Variants in SH3BP4 observed in about 807,000 individuals in gnomAD.
SH3BP4 encodes the protein SH3 domain-binding protein 4.
Under a neutral mutation model 65.5 loss-of-function variants are expected in SH3BP4, and 33 were observed. That is an observed-to-expected ratio of 0.50 (90% CI 0.38 to 0.67). The LOEUF is 0.67. Ranked by LOEUF, SH3BP4 falls within the 30% of genes least tolerant of loss-of-function variation. SH3BP4 has a pLI of 0.00. For synonymous variants in SH3BP4, 552 were observed against 545.5 expected (o/e 1.01, Z -0.17); for missense variants, 1,134 against 1,261.4 (o/e 0.90, Z 1.53).
In SH3BP4 at chr2:234,977,800, C is replaced by G. The variant is rs187214881; in HGVS notation, c.-206-17503C>G. Among the ~76,000 whole-genome samples, 18 of 152,258 alleles carry G rather than the reference C, an allele frequency of 1.2e-4. No individual in the cohort carries two copies. The East Asian group carries it at 2.9e-3, about 25-fold the overall frequency. ...AGACACGCACACGCATATGCACACA[C>G]ATGGGCACACACACACATGCGTGCA... On this transcript the variant is annotated intron_variant, in intron 1 of 5. Transcript: ENST00000392011. This position sits in a 1 kb window ranked among gnomAD's most constrained non-coding sequence, Gnocchi z 5.1.
chr2:234,962,706 A>G (rs1692742955), intron 1 of SH3BP4, among the ~76,000 whole-genome samples: 1 of 152,070 alleles, frequency 6.6e-6, no homozygotes, highest in Non-Finnish European at 1.5e-5. Flanking sequence ...TACCTGGCAC[A>G]TAGCAATTTT....
chr2:235,016,906 G>T (rs764063450), intron 2 of SH3BP4, among the ~76,000 whole-genome samples: 18 of 152,144 alleles, frequency 1.2e-4, no homozygotes, highest in Non-Finnish European at 2.4e-4. Flanking sequence ...TGTCTATGGG[G>T]GATGGGGATG....
intron 4 of SH3BP4, among the ~76,000 whole-genome samples, chr2:235,049,665 A>C (rs555799536): frequency 5.6e-4 from 85 of 152,386 alleles, no homozygotes; most frequent in African/African-American, 2.0e-3. Context: ...TTTGTTTTGA[A>C]TATATCCAAA....
rs575991085 is a variant in SH3BP4 at position 235,014,296 on chromosome 2, G to A, written c.-133+18920G>A. ...CACTCAGCGAGCGTGGAGGCTGGCC[G>A]AGTTTTGTGGTGGAGGCCTCGTCCC... On this transcript the variant is annotated intron_variant, in intron 2 of 5. Coordinates refer to ENST00000392011, the MANE Select transcript of SH3BP4 (RefSeq NM_014521.3). Among the ~76,000 whole-genome samples the A allele has an allele frequency of 2.4e-4, 37 of 152,274 alleles. 1 individual carries two copies. The South Asian group carries it at 2.7e-3, about 11-fold the overall frequency.
At position 235,042,487 on chromosome 2, in the gene SH3BP4, T is replaced by C; in HGVS notation, c.1718T>C (p.Ile573Thr). ...QLKLGKVSRL[I>T]FPITSQNPNE... is the part of the protein sequence containing the mutation. ...AAGCTGGGCAAGGTGAGCCGCCTGA[T>C]CTTCCCCATCACCTCCCAGAACCCC... is the stretch of plus-strand genomic sequence containing the variant. Residue 573 changes from isoleucine (I) to threonine (T), a missense_variant, in exon 4 of 6, where the codon ATC (isoleucine) becomes ACC (threonine). Coordinates refer to ENST00000392011, the MANE Select transcript of SH3BP4 (RefSeq NM_014521.3). This position sits in a 1 kb window ranked among gnomAD's most constrained non-coding sequence, Gnocchi z 7.3. 1 of 1,614,134 alleles carries C rather than the reference T, an allele frequency of 6.2e-7. No homozygotes were observed. Among genetic ancestry groups the C allele is most frequent in the Non-Finnish European group, 8.5e-7 (1 of 1,180,016 alleles).
At chr2:234,961,412 C>T (rs937836561) in intron 1 of SH3BP4, among the ~76,000 whole-genome samples, 1 of 152,116 alleles carries the variant, frequency 6.6e-6, no homozygotes, top group African/African-American at 2.4e-5. Flanking sequence ...GCTGGGATTA[C>T]AAGTGTGCGC....
At chr2:235,017,463 AG>A (rs773874918) in intron 2 of SH3BP4, among the ~76,000 whole-genome samples, 121 of 149,748 alleles carry the variant, frequency 8.1e-4, no homozygotes, top group South Asian at 4.0e-3. Flanking sequence ...AAAAAAAAAA[AG>A]AAATCCTTTC....
rs1695671435 is a variant in SH3BP4, at chr2:235,042,068, C to T, written c.1299C>T (p.Ser433=). Residue 433 remains serine (S), a synonymous_variant, in exon 4 of 6, where the codon AGC becomes AGT. Transcript: ENST00000392011. The surrounding 1 kb of genome is among the most constrained non-coding windows in gnomAD (Gnocchi z 7.3). ...GPYVSVPLNC[S]CGDTVQAQLH... ...ATGTCTCCGTCCCGCTCAACTGCAGCTGTGGGGACACGGTCCAGGCACAGC... is the reference window on the plus strand; with the variant it reads ...ATGTCTCCGTCCCGCTCAACTGCAGTTGTGGGGACACGGTCCAGGCACAGC... 2 of 1,614,086 alleles carry T rather than the reference C, an allele frequency of 1.2e-6. No homozygotes were observed. The highest frequency in any genetic ancestry group is 8.5e-7 in the Non-Finnish European group (1 of 1,180,036).
At chr2:235,012,631 C>T (rs953492101) in intron 2 of SH3BP4, among the ~76,000 whole-genome samples, 1 of 152,218 alleles carries the variant, frequency 6.6e-6, no homozygotes, top group African/African-American at 2.4e-5. Context: ...CCTGCCTGGC[C>T]GGCTGGGCTG....
In SH3BP4 at chr2:234,977,445, A is replaced by T. The variant is rs1693201503; in HGVS notation, c.-206-17858A>T. On this transcript the variant is annotated intron_variant, in intron 1 of 5. Transcript: ENST00000392011. The surrounding 1 kb of genome is among the most constrained non-coding windows in gnomAD (Gnocchi z 5.1). The stretch of plus-strand genomic sequence containing the variant: ...GCCAGTGAGGAGCTTCTAAACACGG[A>T]GGCAGATCAGCTTTTTGCCGAGTGA... Among the ~76,000 whole-genome samples, 1 of 152,196 alleles carries T rather than the reference A, an allele frequency of 6.6e-6. No individual in the cohort carries two copies. Among genetic ancestry groups the T allele is most frequent in the Non-Finnish European group, 1.5e-5 (1 of 68,038 alleles).
chr2:234,972,786 G>A (rs998242615), intron 1 of SH3BP4, among the ~76,000 whole-genome samples: 2 of 152,136 alleles, frequency 1.3e-5, no homozygotes, highest in African/African-American at 2.4e-5. Flanking sequence ...TTCATTGCAC[G>A]TTTGCTTGGG....
In SH3BP4 at chr2:234,952,434, C is replaced by T. The variant is rs1203237511; in HGVS notation, c.-207+264C>T. On this transcript the variant is annotated intron_variant, in intron 1 of 5. Coordinates refer to ENST00000392011, the MANE Select transcript of SH3BP4 (RefSeq NM_014521.3). This position sits in a 1 kb window ranked among gnomAD's most constrained non-coding sequence, Gnocchi z 6.5. The stretch of plus-strand genomic sequence containing the variant: ...TGGGCAGGGACCCGGCCCGGGGTTC[C>T]GGGCGCCGAGCCGCAGCCCTCCGCG... Among the ~76,000 whole-genome samples the T allele has an allele frequency of 3.3e-5, 5 of 151,040 alleles. No individual in the cohort carries two copies. The highest frequency in any genetic ancestry group is 1.2e-4 in the African/African-American group (5 of 41,238).
At chr2:234,966,155 G>C (rs1237433685) in intron 1 of SH3BP4, among the ~76,000 whole-genome samples, 1 of 152,196 alleles carries the variant, frequency 6.6e-6, no homozygotes, top group East Asian at 1.9e-4. Context: ...GAGGCAGGTG[G>C]ATCACTTGAG....
chr2:235,049,331 A>C (rs1373937337), intron 4 of SH3BP4, among the ~76,000 whole-genome samples: 1 of 152,230 alleles, frequency 6.6e-6, no homozygotes, highest in Non-Finnish European at 1.5e-5. Context: ...GACTCGAGTC[A>C]GAAGCAGGTG....
chr2:235,028,797 G>A (rs763014937), intron 2 of SH3BP4, among the ~76,000 whole-genome samples: 18 of 152,172 alleles, frequency 1.2e-4, no homozygotes, highest in Non-Finnish European at 2.4e-4. Flanking sequence ...AGAGCATCTC[G>A]TGTCTAGGCT....
intron 1 of SH3BP4, among the ~76,000 whole-genome samples, chr2:234,975,594 G>C (rs1693144480): frequency 1.3e-5 from 2 of 152,206 alleles, no homozygotes. Context: ...AGTTGTTTGA[G>C]GCTGGGCGCC....
intron 2 of SH3BP4, among the ~76,000 whole-genome samples, chr2:235,024,227 G>A (rs1305109618): frequency 6.6e-6 from 1 of 152,226 alleles, no homozygotes; most frequent in Non-Finnish European, 1.5e-5. Flanking sequence ...CTGGCTGAGA[G>A]GCAGAGGCTA....
In SH3BP4 at chr2:235,038,358, AT is replaced by A. The variant is rs1191229148; in HGVS notation, c.119-2529del. 4.2e-4 allele frequency among the ~76,000 whole-genome samples: 6 copies of A among 14,236 alleles called. No individual in the cohort carries two copies. The South Asian group carries it at 0.019, about 45-fold the overall frequency. The allele number at this position is 14,236 out of a possible 152,430, so 9.3% of individuals were successfully genotyped here. A position where few individuals can be genotyped will look rare whatever the true frequency, so the allele number is the denominator to read the frequency against. On this transcript the variant is annotated intron_variant, in intron 3 of 5. Coordinates refer to ENST00000392011, the MANE Select transcript of SH3BP4 (RefSeq NM_014521.3). The stretch of plus-strand genomic sequence containing the variant: ...TATATAGTATATATATTTTATATAT[AT>A]ATATATAATATATATACATATATAT...
rs1043999649 is a variant in SH3BP4, at chr2:235,026,208, G to T, written c.-132-8663G>T. ...TCAGGCCTTGAAGAGGGATTCACAC[G>T]CCCTCCCCTCCTCTTCCTGACCTGT... On this transcript the variant is annotated intron_variant, in intron 2 of 5. Transcript: ENST00000392011. This position sits in a 1 kb window ranked among gnomAD's most constrained non-coding sequence, Gnocchi z 4.6. 7.2e-5 allele frequency among the ~76,000 whole-genome samples: 11 copies of T among 152,066 alleles called. No individual in the cohort carries two copies. The highest frequency in any genetic ancestry group is 2.4e-4 in the African/African-American group (10 of 41,392).
Sources: gnomAD v4.1 joint callset for allele counts (sites outside exome capture counted in the v4.1 genomes callset) on GRCh38, gnomAD v4.1.1 for gene constraint, Gnocchi (gnomAD v3.1) non-coding constraint, MANE v1.5 for transcripts, NCBI Gene and HGNC (gene_info 2026-07-23, HGNC 2026-07-21) for gene names.